Variants in SEPTIN3 observed in about 807,000 individuals in gnomAD.
SEPTIN3 encodes neuronal-specific septin-3.
Under a neutral mutation model 45.1 loss-of-function variants are expected in SEPTIN3, and 15 were observed. The ratio of observed to expected loss-of-function variants is 0.33; its 90% confidence interval spans 0.22 to 0.51. SEPTIN3 has a LOEUF of 0.51. SEPTIN3 is among the 20% of genes least tolerant of loss of function. The pLI is 0.97. For missense variants in SEPTIN3, 289 were observed against 457.2 expected, an observed-to-expected ratio of 0.63 and a Z score of 3.35; for synonymous variants, 148 against 164.8, an observed-to-expected ratio of 0.90 and a Z score of 0.78.
At chr22:41,984,845 C>CTT (rs11380985) in intron 3 of SEPTIN3, among the ~76,000 whole-genome samples, 3,646 of 100,250 alleles carry the variant, frequency 0.036, 146 homozygotes, top group East Asian at 0.17. Context: ...GTGGTTTTCC[C>CTT]TTTTTTTTTT....
At chr22:41,979,244 C>T (rs1366734450) in intron 2 of SEPTIN3, among the ~76,000 whole-genome samples, 5 of 152,132 alleles carry the variant, frequency 3.3e-5, no homozygotes, top group South Asian at 2.1e-4. Flanking sequence ...ATCTTTTGGG[C>T]GTGCTCTTTT....
chr22:41,986,795 C>G (rs1446725826), intron 4 of SEPTIN3, among the ~76,000 whole-genome samples: 1 of 151,920 alleles, frequency 6.6e-6, no homozygotes. Context: ...GCAACCACGC[C>G]CGGCCCGAAA....
chr22:41,969,902 C>T (rs2077941294), intron 1 of SEPTIN3, among the ~76,000 whole-genome samples: 1 of 151,958 alleles, frequency 6.6e-6, no homozygotes, highest in Non-Finnish European at 1.5e-5. Flanking sequence ...CGTGTGTGCC[C>T]AAGTGGATGT....
rs1370137198 is a variant in SEPTIN3, at chr22:41,986,013, G to A, written c.1726G>A (p.Val576Ile). ...GQSGLGKSTL[V>I]NTLFKSQVSR... is the part of the protein sequence containing the mutation. ...GAGTGGACTGGGCAAATCAACGCTG[G>A]TCAACACGCTCTTCAAATCCCAAGT... The change falls in exon 4 of 12, where the codon GTC (valine) becomes ATC (isoleucine). Residue 576 changes from valine to isoleucine, a missense_variant. By Grantham distance (29) the Val-to-Ile change is conservative. This residue lies in a region of SEPTIN3 where 200 missense variants were observed against 315.1 expected (regional missense o/e 0.63). Transcript: ENST00000644076. 6.2e-7 allele frequency: 1 copy of A among 1,612,930 alleles called. No homozygotes were observed. Among genetic ancestry groups the A allele is most frequent in the South Asian group, 1.1e-5 (1 of 90,856 alleles).
At chr22:41,990,862 G>A (rs959170100) in intron 7 of SEPTIN3, among the ~76,000 whole-genome samples, 3 of 151,474 alleles carry the variant, frequency 2.0e-5, no homozygotes, top group African/African-American at 4.9e-5. Context: ...TCAGGAGTTC[G>A]AGACCAGCCT....
At chr22:41,996,350 CTG>C in intron 11 of SEPTIN3, 1 of 985,380 alleles carries the variant, frequency 1.0e-6, no homozygotes, top group Non-Finnish European at 1.2e-6. Flanking sequence ...CTAAGTGAAA[CTG>C]TTTACAATAA....
At position 41,994,371 on chromosome 22, in the gene SEPTIN3, C is replaced by T. The variant is rs368619865; in HGVS notation, c.2411+30C>T. On this transcript the variant is annotated intron_variant, in intron 10 of 11. Transcript: ENST00000644076. The surrounding 1 kb of genome is among the most constrained non-coding windows in gnomAD (Gnocchi z 4.2). ...GATGTCTCCCCTCCAGCTGTCCAGA[C>T]AGCAGGTTGAATTATTTGGGGTCAG... is the stretch of plus-strand genomic sequence containing the variant. 2.5e-6 allele frequency: 4 copies of T among 1,611,532 alleles called. No homozygotes were observed. The highest frequency in any genetic ancestry group is 3.4e-6 in the Non-Finnish European group (4 of 1,177,924).
chr22:41,976,245 A>AG lies in SEPTIN3; in HGVS notation c.1504+3251dup, dbSNP rs1403385096. On this transcript the variant is annotated intron_variant, in intron 2 of 11. Coordinates refer to ENST00000644076, the MANE Select transcript of SEPTIN3 (RefSeq NM_001363845.2). This position sits in a 1 kb window ranked among gnomAD's most constrained non-coding sequence, Gnocchi z 5.8. ...CTGTGTGCACCCCGGCCCCTGCATT[A>AG]GGACATTCCATCTTCCTGTCTCCTC... 1 of 152,302 alleles carries AG rather than the reference A, an allele frequency of 6.6e-6. No individual in the cohort carries two copies. The highest frequency in any genetic ancestry group is 1.5e-5 in the Non-Finnish European group (1 of 68,206). 9.4% of individuals were successfully genotyped at this position (152,302 alleles called of 1,614,324 possible).
intron 3 of SEPTIN3, chr22:41,985,709 C>A: frequency 3.6e-6 from 1 of 281,022 alleles, no homozygotes; most frequent in Non-Finnish European, 6.8e-6. Flanking sequence ...CGACACTAGA[C>A]ATATGCAGAG....
chr22:41,984,437 C>T (rs549641751), intron 3 of SEPTIN3, among the ~76,000 whole-genome samples: 5 of 152,308 alleles, frequency 3.3e-5, no homozygotes, highest in African/African-American at 1.2e-4. Flanking sequence ...TTCTGCATTT[C>T]CTACTAGTGT....
chr22:41,986,219 TAAGAC>T, intron 4 of SEPTIN3, 107 bp downstream of exon 4: 1 of 1,391,162 alleles, frequency 7.2e-7, no homozygotes, highest in Non-Finnish European at 9.8e-7. Context: ...AAGGCAACCT[TAAGAC>T]AAAACAGACG....
In SEPTIN3 at chr22:41,989,655, C is replaced by T. The variant is rs1276178031; in HGVS notation, c.2134C>T (p.Leu712=). ...PVIAKADTMT[L]EEKSEFKQRV... is the part of the protein sequence containing the mutation. Reference sequence around the variant, plus strand: ...CATTGCTAAGGCTGACACCATGACCCTGGAGGAGAAGTCTGAATTCAAGCA... The same window carrying T: ...CATTGCTAAGGCTGACACCATGACCTTGGAGGAGAAGTCTGAATTCAAGCA... The change falls in exon 7 of 12, where the codon CTG becomes TTG. Residue 712 remains leucine, a synonymous_variant. Transcript: ENST00000644076. 1.2e-6 allele frequency: 2 copies of T among 1,613,306 alleles called. No individual in the cohort carries two copies. The highest frequency in any genetic ancestry group is 1.7e-6 in the Non-Finnish European group (2 of 1,179,274).
At position 41,994,765 on chromosome 22, in the gene SEPTIN3, T is replaced by C. The variant is rs375299084; in HGVS notation, c.2505+51T>C. 86 of 1,613,772 alleles carry C rather than the reference T, an allele frequency of 5.3e-5. No homozygotes were observed. The highest frequency in any genetic ancestry group is 1.1e-4 in the African/African-American group (8 of 74,952). ...ACGACAGTAACCCATGACGACCACT[T>C]CTCTGTGTCATCACACATACCCACT... On this transcript the variant is annotated intron_variant, in intron 11 of 11. Transcript: ENST00000644076. This position sits in a 1 kb window ranked among gnomAD's most constrained non-coding sequence, Gnocchi z 4.2.
chr22:41,994,920 T>TGTGA lies in SEPTIN3; in HGVS notation c.2505+207_2505+210dup, dbSNP rs1176810033. ...GTGTGTGTGTGTGTGTGTGTGTGTGTGTGACAGAGAGAGAGCGAGAGAGCC... is the reference window on the plus strand; with the variant it reads ...GTGTGTGTGTGTGTGTGTGTGTGTGTGTGAGTGACAGAGAGAGAGCGAGAGAGCC... On this transcript the variant is annotated intron_variant, in intron 11 of 11. Transcript: ENST00000644076. The surrounding 1 kb of genome is among the most constrained non-coding windows in gnomAD (Gnocchi z 4.2). 2.8e-6 allele frequency: 4 copies of TGTGA among 1,433,488 alleles called. No individual in the cohort carries two copies. Among genetic ancestry groups the TGTGA allele is most frequent in the East Asian group, 2.6e-5 (1 of 39,178 alleles). 88.8% of individuals were successfully genotyped at this position (1,433,488 alleles called of 1,614,324 possible). A position where few individuals can be genotyped will look rare whatever the true frequency, so the allele number is the denominator to read the frequency against.
chr22:41,970,845 A>G (rs757692993), intron 1 of SEPTIN3, among the ~76,000 whole-genome samples: 11 of 152,098 alleles, frequency 7.2e-5, no homozygotes, highest in Non-Finnish European at 1.6e-4. Flanking sequence ...CCTTCTGTGA[A>G]CACTCACTGC....
intron 1 of SEPTIN3, among the ~76,000 whole-genome samples, chr22:41,969,893 G>A (rs962313218): frequency 1.3e-5 from 2 of 152,092 alleles, no homozygotes; most frequent in Admixed American, 6.5e-5. Context: ...CAGGGTAAAC[G>A]TGTGTGCCCA....
intron 2 of SEPTIN3, among the ~76,000 whole-genome samples, chr22:41,978,980 A>G (rs139261292): frequency 6.6e-6 from 1 of 151,924 alleles, no homozygotes; most frequent in Non-Finnish European, 1.5e-5. Context: ...AGCTTGTGGC[A>G]CAGTGACCTG....
rs59942714 is a variant in SEPTIN3, at chr22:41,994,883, CTGTGTGTG to C, written c.2505+202_2505+209del. 7.8e-3 allele frequency: 10,421 copies of C among 1,342,678 alleles called. 3 individuals are homozygous for C. Among genetic ancestry groups the C allele is most frequent in the Non-Finnish European group, 8.7e-3 (9,007 of 1,035,492 alleles). 83.2% of individuals were successfully genotyped at this position (1,342,678 alleles called of 1,614,324 possible). The stretch of plus-strand genomic sequence containing the variant: ...GTCTGGTATTTGTGGAGCATCTTGT[CTGTGTGTG>C]TGTGTGTGTGTGTGTGTGTGTGTGT... On this transcript the variant is annotated intron_variant, in intron 11 of 11. Transcript: ENST00000644076. The surrounding 1 kb of genome is among the most constrained non-coding windows in gnomAD (Gnocchi z 4.2).
chr22:41,989,114 G>A (rs4822078), intron 6 of SEPTIN3, among the ~76,000 whole-genome samples: 237 of 116,570 alleles, frequency 2.0e-3, no homozygotes, highest in Admixed American at 6.4e-3. Flanking sequence ...GTGACAAAGT[G>A]AGACCCTGTC....
Sources: gnomAD v4.1 joint callset for allele counts (sites outside exome capture counted in the v4.1 genomes callset) on GRCh38, gnomAD v4.1.1 for gene constraint, gnomAD v4.1.1 regional missense constraint, Gnocchi (gnomAD v3.1) non-coding constraint, MANE v1.5 for transcripts, NCBI Gene and HGNC (gene_info 2026-07-23, HGNC 2026-07-21) for gene names.